PRKN: variants seen among roughly 807,000 people sequenced by gnomAD.
PRKN encodes parkin RBR E3 ubiquitin protein ligase.
Under a neutral mutation model 59.5 loss-of-function variants are expected in PRKN, and 56 were observed. The ratio of observed to expected loss-of-function variants is 0.94; its 90% CI spans 0.76 to 1.18. PRKN has a LOEUF of 1.18. PRKN is among the 50% of genes most tolerant of loss of function. The pLI, the probability that PRKN is intolerant of heterozygous loss-of-function variation, is 0.00. For missense variants in PRKN, 657 were observed against 596.4 expected, an observed-to-expected ratio of 1.10 and a Z score of -1.06; for synonymous variants, 250 against 222.1, an observed-to-expected ratio of 1.13 and a Z score of -1.12.
intron 5 of PRKN, among the ~76,000 whole-genome samples, chr6:162,023,693 A>G (rs2097128): frequency 0.82 from 123,678 of 151,680 alleles, 51,111 homozygotes; most frequent in African/African-American, 0.96. Context: ...GGTGTGGCGG[A>G]CCAGGGTGGT....
At chr6:162,305,405 T>C (rs1782175412) in intron 2 of PRKN, among the ~76,000 whole-genome samples, 1 of 145,924 alleles carries the variant, frequency 6.9e-6, no homozygotes, top group Non-Finnish European at 1.5e-5. Context: ...AAAATTATCA[T>C]TGCTTTTTTT....
At chr6:162,565,667 G>A (rs904097810) in intron 1 of PRKN, among the ~76,000 whole-genome samples, 1 of 151,918 alleles carries the variant, frequency 6.6e-6, no homozygotes, top group Non-Finnish European at 1.5e-5. Flanking sequence ...TCCAGCCTGG[G>A]TGACAAGAGT....
At chr6:161,476,270 A>C (rs968293863) in intron 9 of PRKN, among the ~76,000 whole-genome samples, 1 of 151,592 alleles carries the variant, frequency 6.6e-6, no homozygotes, top group Non-Finnish European at 1.5e-5. Context: ...AATGGCTAAA[A>C]CTCTTTCCCA....
At chr6:162,718,936 G>A (rs1453855310) in intron 1 of PRKN, among the ~76,000 whole-genome samples, 1 of 151,990 alleles carries the variant, frequency 6.6e-6, no homozygotes, top group Non-Finnish European at 1.5e-5. Flanking sequence ...AGACACGGCA[G>A]ATGCCACACA....
At chr6:161,687,388 C>CAAAAA (rs1192587302) in intron 7 of PRKN, among the ~76,000 whole-genome samples, 1 of 51,558 alleles carries the variant, frequency 1.9e-5, no homozygotes, top group African/African-American at 8.9e-5. Flanking sequence ...GACTCCATCT[C>CAAAAA]AAAAAAAAAA....
At chr6:162,483,894 CAAGTT>C (rs1209788615) in intron 1 of PRKN, among the ~76,000 whole-genome samples, 4 of 152,138 alleles carry the variant, frequency 2.6e-5, no homozygotes, top group Non-Finnish European at 5.9e-5. Flanking sequence ...TAATAGGGGA[CAAGTT>C]AAGTTAAATA....
At chr6:161,925,250 C>A (rs6940129) in intron 6 of PRKN, among the ~76,000 whole-genome samples, 10,880 of 152,150 alleles carry the variant, frequency 0.072, 502 homozygotes, top group South Asian at 0.15. Context: ...AGAATTGCAT[C>A]TTTGACTTTA....
intron 6 of PRKN, among the ~76,000 whole-genome samples, chr6:161,856,942 AT>A (rs1202009803): frequency 6.6e-6 from 1 of 152,136 alleles, no homozygotes; most frequent in Admixed American, 6.5e-5. Context: ...AAAAGTTGAC[AT>A]TTTTTTCTGT....
chr6:161,375,728 G>A (rs906281943), intron 10 of PRKN, among the ~76,000 whole-genome samples: 1 of 152,116 alleles, frequency 6.6e-6, no homozygotes, highest in African/African-American at 2.4e-5. Flanking sequence ...GCAAACCTTC[G>A]CACACAAGCT....
intron 9 of PRKN, among the ~76,000 whole-genome samples, chr6:161,495,876 C>T (rs572234555): frequency 6.5e-4 from 99 of 152,286 alleles, no homozygotes; most frequent in African/African-American, 2.1e-3. Flanking sequence ...AGCAGGGAGG[C>T]CTTTCTAATG....
chr6:161,759,608 C>T (rs1026548334), intron 7 of PRKN, among the ~76,000 whole-genome samples: 7 of 152,136 alleles, frequency 4.6e-5, no homozygotes, highest in African/African-American at 1.7e-4. Flanking sequence ...CTTTTTTATT[C>T]TATATACTGT....
intron 3 of PRKN, among the ~76,000 whole-genome samples, chr6:162,259,689 T>C (rs1779804772): frequency 6.6e-6 from 1 of 152,250 alleles, no homozygotes; most frequent in African/African-American, 2.4e-5. Flanking sequence ...CTCTGTATAA[T>C]TTTAAATAAA....
intron 2 of PRKN, among the ~76,000 whole-genome samples, chr6:162,434,541 C>A (rs192944785): frequency 7.9e-5 from 12 of 152,112 alleles, no homozygotes; most frequent in Admixed American, 5.2e-4. Flanking sequence ...CATATTAGGC[C>A]AGACTCTCCC....
rs1464639346 is a variant in PRKN, at chr6:161,947,743, A to T, written c.734+25559T>A. 2.0e-5 allele frequency among the ~76,000 whole-genome samples: 3 copies of T among 152,316 alleles called. No homozygotes were observed. The South Asian group carries it at 6.2e-4, about 32-fold the overall frequency. Reference sequence around the variant, plus strand: ...CACATCAAAAGATGATTTAATGTAGAATTATTTTTTAAATGAGCTGCCTTC... The same window carrying T: ...CACATCAAAAGATGATTTAATGTAGTATTATTTTTTAAATGAGCTGCCTTC... On this transcript the variant is annotated intron_variant, in intron 6 of 11. Coordinates refer to ENST00000366898, the MANE Select transcript of PRKN (RefSeq NM_004562.3).
intron 9 of PRKN, among the ~76,000 whole-genome samples, chr6:161,531,077 C>T (rs1344992837): frequency 6.6e-6 from 1 of 152,058 alleles, no homozygotes; most frequent in Non-Finnish European, 1.5e-5. Flanking sequence ...ATCATTTGCC[C>T]AGCCTTAATA....
At chr6:161,686,117 C>T (rs1785545109) in intron 7 of PRKN, among the ~76,000 whole-genome samples, 1 of 148,846 alleles carries the variant, frequency 6.7e-6, no homozygotes, top group South Asian at 2.1e-4. Context: ...GTTGACTGGT[C>T]ATGATTTTGT....
intron 6 of PRKN, among the ~76,000 whole-genome samples, chr6:161,971,716 C>G (rs1562428578): frequency 6.6e-6 from 1 of 152,064 alleles, no homozygotes; most frequent in East Asian, 1.9e-4. Flanking sequence ...TCAACAGATG[C>G]TGTTAAGGTT....
At chr6:161,775,114 G>C (rs1789867656) in intron 7 of PRKN, among the ~76,000 whole-genome samples, 1 of 152,198 alleles carries the variant, frequency 6.6e-6, no homozygotes, top group Non-Finnish European at 1.5e-5. Flanking sequence ...CATGTGGATA[G>C]GCTCTGGGTA....
chr6:161,865,095 AAAC>A (rs1187503058), intron 6 of PRKN, among the ~76,000 whole-genome samples: 2 of 152,178 alleles, frequency 1.3e-5, no homozygotes, highest in Non-Finnish European at 2.9e-5. Flanking sequence ...GCAGGGATGA[AAAC>A]AACATTCATG....
Sources: allele counts gnomAD v4.1 joint callset (sites outside exome capture counted in the v4.1 genomes callset), GRCh38; gene constraint gnomAD v4.1.1; transcripts MANE v1.5; gene names NCBI Gene and HGNC (gene_info 2026-07-23, HGNC 2026-07-21).